LHX8: variants seen among roughly 807,000 people sequenced by gnomAD.
LHX8 encodes LIM homeobox 8.
A neutral mutation model predicts 40.3 loss-of-function variants in LHX8; 12 were observed. The observed-to-expected ratio is 0.30, with a 90% CI of 0.19 to 0.48. LHX8 has a LOEUF of 0.48. Ranked by LOEUF, LHX8 falls within the 20% of genes least tolerant of loss-of-function variation. LHX8 has a pLI of 0.99. For synonymous variants in LHX8, 179 were observed against 162.0 expected, an observed-to-expected ratio of 1.10 and a Z score of -0.80; for missense variants, 344 against 433.7, an observed-to-expected ratio of 0.79 and a Z score of 1.84.
the LHX8 span, among the ~76,000 whole-genome samples, chr1:75,179,502 G>GTTTTT: frequency 3.0e-4 from 33 of 108,466 alleles, no homozygotes; most frequent in South Asian, 9.3e-4. Context: ...AACCCCTGTT[G>GTTTTT]TTTTTTTTTT....
At chr1:75,178,608 T>A in the LHX8 span, among the ~76,000 whole-genome samples, 3 of 152,172 alleles carry the variant, frequency 2.0e-5, no homozygotes, top group Non-Finnish European at 2.9e-5. Context: ...TTTGTTGATC[T>A]TTTCAAAAAA....
the LHX8 span, among the ~76,000 whole-genome samples, chr1:75,173,781 G>T: frequency 1.3e-5 from 2 of 152,140 alleles, no homozygotes; most frequent in African/African-American, 2.4e-5. Flanking sequence ...AATTAAAAAA[G>T]AAACTGATCT....
the LHX8 span, among the ~76,000 whole-genome samples, chr1:75,179,695 G>T: frequency 1.3e-5 from 2 of 151,858 alleles, no homozygotes; most frequent in Non-Finnish European, 2.9e-5. Context: ...TTACATTTAA[G>T]GTTAATATTG....
At chr1:75,193,135 T>C in the LHX8 span, among the ~76,000 whole-genome samples, 29 of 152,338 alleles carry the variant, frequency 1.9e-4, no homozygotes, top group Admixed American at 7.8e-4. Context: ...TTCATCTCTC[T>C]ATGTGAAGTC....
the LHX8 span, among the ~76,000 whole-genome samples, chr1:75,178,569 C>A: frequency 4.6e-5 from 7 of 151,318 alleles, no homozygotes; most frequent in Admixed American, 4.6e-4. Flanking sequence ...CTCTTTTTTT[C>A]TTTATTAATC....
intron 7 of LHX8, 147 bp from the exon 8 acceptor site, chr1:75,156,746 T>C (rs980431728): frequency 6.0e-5 from 47 of 783,320 alleles, no homozygotes; most frequent in Non-Finnish European, 1.0e-4. Flanking sequence ...TTTCTGTCTA[T>C]AGAACTTTTA....
intron 8 of LHX8, chr1:75,160,269 G>C (rs1275619256): frequency 6.5e-6 from 1 of 153,400 alleles, no homozygotes; most frequent in African/African-American, 2.4e-5. Context: ...AAGCAACATA[G>C]CCCTTGCTGA....
chr1:75,156,280 C>T (rs1018410526), intron 7 of LHX8, among the ~76,000 whole-genome samples: 1 of 151,788 alleles, frequency 6.6e-6, no homozygotes, highest in African/African-American at 2.4e-5. Flanking sequence ...CTTGCTATGT[C>T]GCCCAGGCTG....
exon 1 of LHX8, chr1:75,128,523 T>C (rs1055168704): frequency 3.9e-5 from 6 of 152,178 alleles, no homozygotes; most frequent in Middle Eastern, 3.2e-3. Flanking sequence ...ATTTCTGAAC[T>C]CACCCTAAAG....
downstream of LHX8, among the ~76,000 whole-genome samples, chr1:75,164,726 CTTTT>C (rs201120196): frequency 7.4e-6 from 1 of 135,324 alleles, no homozygotes; most frequent in African/African-American, 2.7e-5. Context: ...AACCAGTATC[CTTTT>C]TTTTTTTTTT....
At chr1:75,136,505 C>G in intron 1 of LHX8, 98 bp from the exon 2 acceptor site, 1 of 904,252 alleles carries the variant, frequency 1.1e-6, no homozygotes, top group Non-Finnish European at 1.8e-6. Context: ...ACTCTGAGGG[C>G]CTTCATTAGC....
the LHX8 span, among the ~76,000 whole-genome samples, chr1:75,166,607 A>G: frequency 1.3e-5 from 2 of 152,154 alleles, no homozygotes; most frequent in Non-Finnish European, 2.9e-5. Context: ...CTGAACCACA[A>G]ATTTCATCTT....
chr1:75,136,984 TG>T, intron 2 of LHX8, 115 bp from the exon 3 acceptor site: 2 of 538,572 alleles, frequency 3.7e-6, no homozygotes, highest in Non-Finnish European at 4.3e-6. Context: ...AAGCTGGGGG[TG>T]GGGTGGGGTG....
At chr1:75,136,005 C>T (rs906763252) in intron 1 of LHX8, among the ~76,000 whole-genome samples, 1 of 152,214 alleles carries the variant, frequency 6.6e-6, no homozygotes, top group African/African-American at 2.4e-5. Context: ...GTCATCGGAA[C>T]AAACACCAGG....
downstream of LHX8, among the ~76,000 whole-genome samples, chr1:75,163,823 T>C (rs1052772388): frequency 6.6e-6 from 1 of 152,206 alleles, no homozygotes; most frequent in Non-Finnish European, 1.5e-5. Flanking sequence ...TTTTGAAAGA[T>C]AACCAGGTCA....
the LHX8 span, among the ~76,000 whole-genome samples, chr1:75,167,275 T>C: frequency 6.6e-6 from 1 of 152,236 alleles, no homozygotes; most frequent in Admixed American, 6.5e-5. Context: ...TTTTCTCATA[T>C]GCAAAATGGA....
At chr1:75,151,659 AC>A (rs1648616448) in intron 7 of LHX8, among the ~76,000 whole-genome samples, 1 of 152,226 alleles carries the variant, frequency 6.6e-6, no homozygotes, top group South Asian at 2.1e-4. Flanking sequence ...GCCTGGGAGA[AC>A]AGTTTTCTTT....
chr1:75,184,394 A>G, the LHX8 span, among the ~76,000 whole-genome samples: 336 of 152,326 alleles, frequency 2.2e-3, 1 homozygote, highest in African/African-American at 7.8e-3. Context: ...AGCAAATAGG[A>G]AAAAACTGAA....
chr1:75,193,806 TTTTA>T, the LHX8 span, among the ~76,000 whole-genome samples: 2 of 152,180 alleles, frequency 1.3e-5, no homozygotes, highest in Non-Finnish European at 2.9e-5. Context: ...ATCTTCCCCC[TTTTA>T]TTTGTGTTAC....
Sources: gnomAD v4.1 joint callset for allele counts (sites outside exome capture counted in the v4.1 genomes callset) on GRCh38, gnomAD v4.1.1 for gene constraint, MANE v1.5 for transcripts, NCBI Gene and HGNC (gene_info 2026-07-23, HGNC 2026-07-21) for gene names.